EPHA3: variants seen among roughly 807,000 people sequenced by gnomAD.
EPHA3 encodes ephrin type-A receptor 3.
A neutral mutation model predicts 107.1 loss-of-function variants in EPHA3; 42 were observed. The ratio of observed to expected loss-of-function variants is 0.39; its 90% CI spans 0.31 to 0.51. The LOEUF (loss-of-function observed/expected upper bound fraction) is 0.51. Among genes scored for constraint, EPHA3 ranks in the 20% least tolerant of loss-of-function variants. The pLI, the probability that EPHA3 is intolerant of heterozygous loss-of-function variation, is 0.78. For synonymous variants in EPHA3, 461 were observed against 424.8 expected, an observed-to-expected ratio of 1.09 and a Z score of -1.05; for missense variants, 1,183 against 1,211.2, an observed-to-expected ratio of 0.98 and a Z score of 0.35.
chr3:89,383,436 C>G (rs1038259644), intron 5 of EPHA3, among the ~76,000 whole-genome samples: 1 of 152,040 alleles, frequency 6.6e-6, no homozygotes, highest in African/African-American at 2.4e-5. Context: ...ACTTTTGCCT[C>G]TAATTAAAAG....
At chr3:89,244,809 G>A (rs1205541114) in intron 3 of EPHA3, among the ~76,000 whole-genome samples, 2 of 152,102 alleles carry the variant, frequency 1.3e-5, no homozygotes, top group Non-Finnish European at 2.9e-5. Flanking sequence ...GCAGGTCTGG[G>A]CTTTTCAATT....
At chr3:89,297,629 A>T (rs1706387950) in intron 3 of EPHA3, among the ~76,000 whole-genome samples, 1 of 152,204 alleles carries the variant, frequency 6.6e-6, no homozygotes, top group Non-Finnish European at 1.5e-5. Flanking sequence ...ACATGAAGTG[A>T]GCAGATGCTG....
chr3:89,220,523 C>T (rs1576241647), intron 3 of EPHA3, among the ~76,000 whole-genome samples: 1 of 152,008 alleles, frequency 6.6e-6, no homozygotes. Context: ...TGACGTTCAG[C>T]GGGTAGAGTT....
At chr3:89,228,034 T>A (rs1704539298) in intron 3 of EPHA3, among the ~76,000 whole-genome samples, 1 of 151,984 alleles carries the variant, frequency 6.6e-6, no homozygotes. Flanking sequence ...GGTAGTTCAA[T>A]ATTATGTTTG....
chr3:89,350,280 A>C (rs1455816235), intron 5 of EPHA3, among the ~76,000 whole-genome samples: 1 of 149,432 alleles, frequency 6.7e-6, no homozygotes, highest in Non-Finnish European at 1.5e-5. Context: ...TGGTCTTTTC[A>C]CATAGTCCCA....
intron 1 of EPHA3, among the ~76,000 whole-genome samples, chr3:89,112,452 G>A: frequency 6.6e-6 from 1 of 151,062 alleles, no homozygotes. Flanking sequence ...GTTCCTTAAG[G>A]GTCCGACCAT....
chr3:89,314,458 T>C (rs1170829036), intron 3 of EPHA3, among the ~76,000 whole-genome samples: 3 of 151,986 alleles, frequency 2.0e-5, no homozygotes, highest in African/African-American at 4.8e-5. Context: ...CAATCTATAC[T>C]GTATTAATCA....
intron 3 of EPHA3, among the ~76,000 whole-genome samples, chr3:89,243,391 T>C (rs1704955362): frequency 6.6e-6 from 1 of 152,146 alleles, no homozygotes; most frequent in Non-Finnish European, 1.5e-5. Context: ...AGTGTTCCTA[T>C]TTCTCCACAT....
chr3:89,146,220 G>A (rs1285185939), intron 2 of EPHA3, among the ~76,000 whole-genome samples: 1 of 151,838 alleles, frequency 6.6e-6, no homozygotes, highest in East Asian at 1.9e-4. Flanking sequence ...CACAGGACCA[G>A]CCCATTAGTC....
At chr3:89,349,779 G>C (rs1364390682) in intron 5 of EPHA3, among the ~76,000 whole-genome samples, 1 of 150,042 alleles carries the variant, frequency 6.7e-6, no homozygotes, top group African/African-American at 2.5e-5. Context: ...CATGTTTAGC[G>C]CTTCCTTCAG....
chr3:89,314,526 G>A (rs901850689), intron 3 of EPHA3, among the ~76,000 whole-genome samples: 1 of 151,896 alleles, frequency 6.6e-6, no homozygotes, highest in African/African-American at 2.4e-5. Context: ...AATTATGAAA[G>A]AATACAAATG....
intron 5 of EPHA3, among the ~76,000 whole-genome samples, chr3:89,350,809 G>T (rs1442992942): frequency 1.3e-5 from 2 of 150,906 alleles, no homozygotes; most frequent in Non-Finnish European, 3.0e-5. Context: ...TGGATGTCCT[G>T]TCTGTTTGTT....
At chr3:89,454,380 A>T (rs1710057173) in intron 15 of EPHA3, among the ~76,000 whole-genome samples, 1 of 152,028 alleles carries the variant, frequency 6.6e-6, no homozygotes, top group East Asian at 1.9e-4. Flanking sequence ...CTACCCATTC[A>T]CCTAACCAGG....
At chr3:89,457,492 T>A (rs569818455) in intron 15 of EPHA3, among the ~76,000 whole-genome samples, 10 of 152,180 alleles carry the variant, frequency 6.6e-5, no homozygotes, top group Non-Finnish European at 1.5e-4. Context: ...CTCCTCATGA[T>A]AATCTAATGC....
chr3:89,468,660 G>C (rs1710338857), intron 15 of EPHA3, among the ~76,000 whole-genome samples: 1 of 152,082 alleles, frequency 6.6e-6, no homozygotes, highest in Non-Finnish European at 1.5e-5. Context: ...TCTCATTCTA[G>C]GTTTCACATG....
In EPHA3 at chr3:89,431,341, A is replaced by G; in HGVS notation, c.2328A>G (p.Glu776=). The change falls in exon 13 of 17, where the codon GAA becomes GAG. Residue 776 remains glutamate (E), a synonymous_variant. Coordinates refer to ENST00000336596, the MANE Select transcript of EPHA3 (RefSeq NM_005233.6). ...GLSRVLEDDP[E]AAYTTRGGKI... is the part of the protein sequence containing the mutation. ...CGCGTGTCCTGGAGGATGACCCAGA[A>G]GCTGCTTATACAACAAGAGTGAGTA... 3.7e-6 allele frequency: 6 copies of G among 1,613,688 alleles called. No homozygotes were observed. The highest frequency in any genetic ancestry group is 5.1e-6 in the Non-Finnish European group (6 of 1,179,874).
At chr3:89,398,562 T>C in intron 6 of EPHA3, among the ~76,000 whole-genome samples, 1 of 152,262 alleles carries the variant, frequency 6.6e-6, no homozygotes, top group Admixed American at 6.5e-5. Flanking sequence ...CCTTGATTTT[T>C]TATGTTTAAT....
At chr3:89,254,887 G>A (rs1413826702) in intron 3 of EPHA3, among the ~76,000 whole-genome samples, 1 of 152,176 alleles carries the variant, frequency 6.6e-6, no homozygotes, top group Non-Finnish European at 1.5e-5. Context: ...GGGAAGGCTT[G>A]TTTTAAATAG....
intron 3 of EPHA3, among the ~76,000 whole-genome samples, chr3:89,319,755 CCT>C (rs1356786266): frequency 6.6e-6 from 1 of 151,818 alleles, no homozygotes; most frequent in Admixed American, 6.6e-5. Context: ...TAAAATAGCT[CCT>C]CTCTCTTTTA....
Sources: allele counts gnomAD v4.1 joint callset (sites outside exome capture counted in the v4.1 genomes callset), GRCh38; gene constraint gnomAD v4.1.1; transcripts MANE v1.5; gene names NCBI Gene and HGNC (gene_info 2026-07-23, HGNC 2026-07-21).